ESRP1: variants seen among roughly 807,000 people sequenced by gnomAD.
The protein encoded by ESRP1 is RNA-binding motif protein 35A.
In ESRP1, 33 loss-of-function variants were observed where a neutral mutation model predicts 81.7. The observed-to-expected ratio is 0.40, with a 90% CI of 0.31 to 0.54. The LOEUF is 0.54. Among genes scored for constraint, ESRP1 ranks in the 20% least tolerant of loss-of-function variants. The probability of loss-of-function intolerance (pLI) is 0.41; values close to 1 mark genes in which losing one functional copy is unlikely to be tolerated. For missense variants in ESRP1, 672 were observed against 833.1 expected (o/e 0.81, Z 2.38); for synonymous variants, 320 against 303.3 (o/e 1.06, Z -0.57).
At chr8:94,665,081 C>A (rs141654162) in intron 8 of ESRP1, 22 bp downstream of exon 8, 1 of 1,613,418 alleles carries the variant, frequency 6.2e-7, no homozygotes, top group Non-Finnish European at 8.5e-7. Flanking sequence ...AAACCTGAAC[C>A]CCTGGACATC....
In ESRP1 at chr8:94,642,098, G is replaced by T. The variant is rs771749702; in HGVS notation, c.261+14G>T. ...GCCCTCCGACAGGTGACAACCCCGG[G>T]TCACGCCACCCACCCCAGCCTGGGC... On this transcript the variant is annotated intron_variant, in intron 2 of 15. Coordinates refer to ENST00000433389, the MANE Select transcript of ESRP1 (RefSeq NM_017697.4). 6 of 1,608,030 alleles carry T rather than the reference G, an allele frequency of 3.7e-6. No homozygotes were observed. The South Asian group carries it at 6.6e-5, about 18-fold the overall frequency.
intron 13 of ESRP1, among the ~76,000 whole-genome samples, chr8:94,682,455 C>A (rs1286912840): frequency 6.6e-6 from 1 of 152,160 alleles, no homozygotes; most frequent in African/African-American, 2.4e-5. Context: ...CAGCCTTGAT[C>A]TCCCAGGCTC....
chr8:94,643,960 A>G (rs373364648), intron 3 of ESRP1, among the ~76,000 whole-genome samples: 1 of 152,236 alleles, frequency 6.6e-6, no homozygotes, highest in African/African-American at 2.4e-5. Flanking sequence ...AGATAACCTT[A>G]TATCTAGTGA....
chr8:94,698,984 T>C (rs1809709804), intron 15 of ESRP1, among the ~76,000 whole-genome samples: 1 of 152,198 alleles, frequency 6.6e-6, no homozygotes, highest in South Asian at 2.1e-4. Context: ...TTCTCTAGTC[T>C]TTGTCTCAGT....
chr8:94,693,182 A>G (rs2288260), intron 14 of ESRP1, among the ~76,000 whole-genome samples: 47,272 of 152,128 alleles, frequency 0.31, 8,773 homozygotes, highest in East Asian at 0.56. Context: ...GAAGTGTCAA[A>G]TCCTTGACTA....
rs746088512 is a variant in ESRP1, at chr8:94,706,576, A to C, written c.*687A>C. Reference sequence around the variant, plus strand: ...AGTTTGGATCTTTTTCTCAGCAGGTATCAGTTGTAAATAATGAATTAGGGG... The same window carrying C: ...AGTTTGGATCTTTTTCTCAGCAGGTCTCAGTTGTAAATAATGAATTAGGGG... On this transcript the variant is annotated 3_prime_UTR_variant, in exon 16 of 16. Transcript: ENST00000433389. 6.5e-6 allele frequency: 1 copy of C among 152,692 alleles called. No homozygotes were observed. Among genetic ancestry groups the C allele is most frequent in the Non-Finnish European group, 1.5e-5 (1 of 68,052 alleles). The allele number at this position is 152,692 out of a possible 1,614,324, so 9.5% of individuals were successfully genotyped here. A position where few individuals can be genotyped will look rare whatever the true frequency, so the allele number is the denominator to read the frequency against.
intron 4 of ESRP1, among the ~76,000 whole-genome samples, chr8:94,657,101 C>T (rs1210190524): frequency 1.3e-5 from 2 of 152,202 alleles, no homozygotes; most frequent in African/African-American, 4.8e-5. Flanking sequence ...ACTCCTCTAA[C>T]ATGCATATAA....
intron 4 of ESRP1, among the ~76,000 whole-genome samples, chr8:94,649,064 T>C (rs1310486236): frequency 6.6e-6 from 1 of 152,112 alleles, no homozygotes. Context: ...CTGCTAAAAA[T>C]AGAAAAATTA....
chr8:94,680,520 C>T (rs1243374887), intron 13 of ESRP1, among the ~76,000 whole-genome samples: 3 of 152,088 alleles, frequency 2.0e-5, no homozygotes, highest in African/African-American at 7.2e-5. Flanking sequence ...CTCCGCCTCC[C>T]GGGATCAAGC....
At chr8:94,692,077 G>A (rs1221657878) in intron 13 of ESRP1, among the ~76,000 whole-genome samples, 1 of 152,122 alleles carries the variant, frequency 6.6e-6, no homozygotes, top group African/African-American at 2.4e-5. Flanking sequence ...TCTCCCTTGT[G>A]TTAATGGTGA....
intron 4 of ESRP1, among the ~76,000 whole-genome samples, chr8:94,651,268 A>C (rs531821931): frequency 7.0e-6 from 1 of 142,596 alleles, no homozygotes; most frequent in East Asian, 2.1e-4. Flanking sequence ...TTTTGGGCAA[A>C]GTCTCACTTT....
chr8:94,659,304 T>G (rs1423109600), intron 4 of ESRP1, among the ~76,000 whole-genome samples: 1 of 152,238 alleles, frequency 6.6e-6, no homozygotes, highest in Admixed American at 6.5e-5. Flanking sequence ...CTTTCAAACT[T>G]TTTCATTATT....
At chr8:94,644,580 G>A (rs1398163502) in intron 3 of ESRP1, among the ~76,000 whole-genome samples, 1 of 152,076 alleles carries the variant, frequency 6.6e-6, no homozygotes, top group African/African-American at 2.4e-5. Context: ...TAATATGTAA[G>A]GATTACTTTT....
chr8:94,655,880 C>A (rs1818383980), intron 4 of ESRP1: 1 of 152,100 alleles, frequency 6.6e-6, no homozygotes, highest in South Asian at 2.1e-4. Context: ...AACAGTGAGA[C>A]CCTGTCTCGA....
chr8:94,692,567 T>C, intron 13 of ESRP1, 110 bp from the exon 14 acceptor site: 1 of 1,168,266 alleles, frequency 8.6e-7, no homozygotes, highest in East Asian at 2.5e-5. Flanking sequence ...CTGAGAAGTA[T>C]AAGAAAGGTT....
chr8:94,704,765 TG>T (rs1486418997), intron 15 of ESRP1, among the ~76,000 whole-genome samples: 1 of 37,962 alleles, frequency 2.6e-5, no homozygotes, highest in Non-Finnish European at 5.4e-5. Flanking sequence ...CATCTCTTTT[TG>T]AAAAAAAAAA....
At position 94,646,239 on chromosome 8, in the gene ESRP1, T is replaced by G; in HGVS notation, c.447T>G (p.Gly149=). ...LRKEFKKCCP[G]SPDIDKLDVA... ...AAGAATTCAAGAAATGTTGCCCTGGTTCACCTGATATTGACAAACTGGACG... is the reference window on the plus strand; with the variant it reads ...AAGAATTCAAGAAATGTTGCCCTGGGTCACCTGATATTGACAAACTGGACG... The change falls in exon 4 of 16, where the codon GGT becomes GGG. Residue 149 remains glycine, a synonymous_variant. Coordinates refer to ENST00000433389, the MANE Select transcript of ESRP1 (RefSeq NM_017697.4). 1 of 1,612,960 alleles carries G rather than the reference T, an allele frequency of 6.2e-7. No individual in the cohort carries two copies. The highest frequency in any genetic ancestry group is 8.5e-7 in the Non-Finnish European group (1 of 1,179,314).
At chr8:94,685,831 T>G (rs2035970605) in intron 13 of ESRP1, among the ~76,000 whole-genome samples, 1 of 151,582 alleles carries the variant, frequency 6.6e-6, no homozygotes, top group Non-Finnish European at 1.5e-5. Flanking sequence ...TGGGAGCAGG[T>G]AGTCAAAGCA....
At chr8:94,669,404 A>G (rs1236565922) in intron 10 of ESRP1, among the ~76,000 whole-genome samples, 1 of 152,084 alleles carries the variant, frequency 6.6e-6, no homozygotes, top group Non-Finnish European at 1.5e-5. Context: ...GCATCCCATT[A>G]TATGTTGTGA....
Sources: gnomAD v4.1 joint callset for allele counts (sites outside exome capture counted in the v4.1 genomes callset) on GRCh38, gnomAD v4.1.1 for gene constraint, MANE v1.5 for transcripts, NCBI Gene and HGNC (gene_info 2026-07-23, HGNC 2026-07-21) for gene names.